Variants in BTBD19 observed in about 807,000 individuals in gnomAD.
BTBD19 encodes the protein BTB/POZ domain-containing protein 19.
Under a neutral mutation model 36.1 loss-of-function variants are expected in BTBD19, and 20 were observed. The ratio of observed to expected loss-of-function variants is 0.55; its 90% CI spans 0.39 to 0.80. The LOEUF (loss-of-function observed/expected upper bound fraction) is 0.80, where lower values mean the gene tolerates loss of function less well. BTBD19 is among the 30% of genes least tolerant of loss of function. The probability of loss-of-function intolerance (pLI) is 0.00; values close to 1 mark genes in which losing one functional copy is unlikely to be tolerated. For missense variants in BTBD19, 325 were observed against 389.8 expected (o/e 0.83, Z 1.40); for synonymous variants, 157 against 174.3 (o/e 0.90, Z 0.78).
Position 44,813,574 on chromosome 1 carries a change from G to A in BTBD19, c.742-64G>A, listed in dbSNP as rs1652540452. ...CGCTGGGAGGGGGCAGGAGCAGCCC[G>A]GCCCACGGTCCTCGGGGCGAGGGGC... On this transcript the variant is annotated intron_variant, in intron 7 of 7. Coordinates refer to ENST00000450269, the Ensembl canonical transcript of BTBD19. The surrounding 1 kb of genome is among the most constrained non-coding windows in gnomAD (Gnocchi z 7.8). 2.6e-6 allele frequency: 4 copies of A among 1,534,664 alleles called. No individual in the cohort carries two copies. The highest frequency in any genetic ancestry group is 3.5e-6 in the Non-Finnish European group (4 of 1,135,998).
At chr1:44,814,886 CT>C (rs1652643872), downstream of BTBD19, 1 of 152,336 alleles carries the variant, frequency 6.6e-6, no homozygotes, top group Non-Finnish European at 1.5e-5. Flanking sequence ...ACCTGCCCCC[CT>C]GGAGATCGCT....
In BTBD19 at chr1:44,810,262, C is replaced by A. The variant is rs866398818; in HGVS notation, c.136C>A (p.Arg46=). 4.6e-5 allele frequency: 71 copies of A among 1,551,734 alleles called. No individual in the cohort carries two copies. The Middle Eastern group carries it at 1.3e-3, about 29-fold the overall frequency. Residue 46 remains arginine, a synonymous_variant, in exon 2 of 8, where the codon CGG becomes AGG. Coordinates refer to ENST00000450269, the Ensembl canonical transcript of BTBD19. The surrounding 1 kb of genome is among the most constrained non-coding windows in gnomAD (Gnocchi z 4.2). Reference sequence around the variant, plus strand: ...AGAACGGCAGGAGGTATTTGCCCATCGGTGCTTGTTGGCCTGTAGATGCAA... The same window carrying A: ...AGAACGGCAGGAGGTATTTGCCCATAGGTGCTTGTTGGCCTGTAGATGCAA...
intron 3 of BTBD19, among the ~76,000 whole-genome samples, chr1:44,811,250 TA>T (rs1333411045): frequency 6.8e-6 from 1 of 146,090 alleles, no homozygotes; most frequent in Non-Finnish European, 1.5e-5. Flanking sequence ...GAAAGTGTGA[TA>T]GAGAAGCGTG....
chr1:44,815,034 CT>C (rs1397343431), downstream of BTBD19: 1 of 152,264 alleles, frequency 6.6e-6, no homozygotes, highest in Non-Finnish European at 1.5e-5. Flanking sequence ...TGCCTTATCG[CT>C]CTTCACACCT....
In BTBD19 at chr1:44,813,171, T is replaced by C. The variant is rs1652510222; in HGVS notation, c.517T>C (p.Ser173Pro). The C allele has an allele frequency of 6.5e-7, 1 of 1,540,738 alleles. No individual in the cohort carries two copies. The highest frequency in any genetic ancestry group is 1.5e-5 in the African/African-American group (1 of 67,136). Residue 173 changes from serine (S) to proline (P), a missense_variant, in exon 6 of 8, where the codon TCG (serine) becomes CCG (proline). By Grantham distance (74) the Ser-to-Pro change is moderately conservative. Transcript: ENST00000450269. This position sits in a 1 kb window ranked among gnomAD's most constrained non-coding sequence, Gnocchi z 7.8. ...CCGGACCCGAGGCTTCCTGGAGCTG[T>C]CGGCGGCCGCGCTGCTGCCCCTGCT...
At position 44,813,711 on chromosome 1, in the gene BTBD19, G is replaced by C; in HGVS notation, c.815G>C (p.Arg272Pro). The change falls in exon 8 of 8, where the codon CGC becomes CCC. Residue 272 changes from arginine (R) to proline (P), a missense_variant. Physicochemically the swap from Arg to Pro is moderately radical, Grantham distance 103 (BLOSUM62 -2). Transcript: ENST00000450269. The surrounding 1 kb of genome is among the most constrained non-coding windows in gnomAD (Gnocchi z 7.8). ...GATGAGGCCCGGGGCGCCCCGTGTC[G>C]CCGCCGGAGAGGCACCCTGCCCCGG... 2 of 1,551,476 alleles carry C rather than the reference G, an allele frequency of 1.3e-6. No homozygotes were observed. The highest frequency in any genetic ancestry group is 1.7e-6 in the Non-Finnish European group (2 of 1,146,850).
Position 44,813,162 on chromosome 1 carries a change from C to T in BTBD19, c.508C>T (p.Leu170=), listed in dbSNP as rs1262231278. 6.5e-7 allele frequency: 1 copy of T among 1,542,012 alleles called. No homozygotes were observed. The highest frequency in any genetic ancestry group is 1.2e-5 in the South Asian group (1 of 83,884). Residue 170 remains leucine, a synonymous_variant, in exon 6 of 8, where the codon CTG becomes TTG. Transcript: ENST00000450269. This position sits in a 1 kb window ranked among gnomAD's most constrained non-coding sequence, Gnocchi z 7.8. Reference sequence around the variant, plus strand: ...GGAGGCCCTCCGGACCCGAGGCTTCCTGGAGCTGTCGGCGGCCGCGCTGCT... The same window carrying T: ...GGAGGCCCTCCGGACCCGAGGCTTCTTGGAGCTGTCGGCGGCCGCGCTGCT...
intron 3 of BTBD19, 34 bp from the exon 4 acceptor site, chr1:44,812,005 C>T (rs1367223228): frequency 2.3e-6 from 3 of 1,298,188 alleles, no homozygotes; most frequent in Admixed American, 4.6e-5. Context: ...AGCAGGGACA[C>T]CGCCACCCAA....
At position 44,813,764 on chromosome 1, in the gene BTBD19, T is replaced by G; in HGVS notation, c.868T>G (p.Phe290Val). The G allele has an allele frequency of 6.4e-7, 1 of 1,551,426 alleles. No homozygotes were observed. The highest frequency in any genetic ancestry group is 8.7e-7 in the Non-Finnish European group (1 of 1,146,846). ...GCATCACCGCTTTCTGGACCTGTCC[T>G]TCAAATGATCCAACGCCGGGACTCG... The change falls in exon 8 of 8, where the codon TTC (phenylalanine) becomes GTC (valine). Residue 290 changes from phenylalanine to valine, a missense_variant. Phe to Val is a conservative substitution (Grantham distance 50, BLOSUM62 -1). Transcript: ENST00000450269. The surrounding 1 kb of genome is among the most constrained non-coding windows in gnomAD (Gnocchi z 7.8).
Position 44,813,251 on chromosome 1 carries a change from C to CT in BTBD19, c.598dup (p.Trp200LeufsTer15), listed in dbSNP as rs1384000990. The CT allele has an allele frequency of 6.5e-7, 1 of 1,537,380 alleles. No individual in the cohort carries two copies. Among genetic ancestry groups the CT allele is most frequent in the African/African-American group, 1.4e-5 (1 of 72,886 alleles). ...CTGAACTGGTCCGCGCGGCCCGAAGCTGGGCGCGCGTGGGCGCGGTGAGTG... is the reference window on the plus strand; with the variant it reads ...CTGAACTGGTCCGCGCGGCCCGAAGCTTGGGCGCGCGTGGGCGCGGTGAGTG... On this transcript the variant is annotated frameshift_variant, in exon 6 of 8. Transcript: ENST00000450269. LOFTEE classifies it high-confidence loss of function. The surrounding 1 kb of genome is among the most constrained non-coding windows in gnomAD (Gnocchi z 7.8).
At chr1:44,814,042 C>G in exon 8 of BTBD19, 1 of 588,504 alleles carries the variant, frequency 1.7e-6, no homozygotes, top group South Asian at 2.0e-5. Flanking sequence ...GTTCCACACC[C>G]TGACTCTACG....
chr1:44,814,148 C>CTCTTTCTT (rs1553163473), downstream of BTBD19: 11,463 of 158,988 alleles, frequency 0.072, 674 homozygotes, highest in South Asian at 0.092. Flanking sequence ...CTTTTTCTTT[C>CTCTTTCTT]TCTTTCTTTC....
At position 44,813,216 on chromosome 1, in the gene BTBD19, G is replaced by A. The variant is rs1241147947; in HGVS notation, c.562G>A (p.Val188Met). ...CCTGCTCCGCAGCGACAAGCTCTGC[G>A]TGGACGAGGCTGAACTGGTCCGCGC... Residue 188 changes from valine (V) to methionine (M), a missense_variant, in exon 6 of 8, where the codon GTG (valine) becomes ATG (methionine). Val to Met is a conservative substitution (Grantham distance 21). Transcript: ENST00000450269. The surrounding 1 kb of genome is among the most constrained non-coding windows in gnomAD (Gnocchi z 7.8). The A allele has an allele frequency of 1.9e-6, 3 of 1,544,316 alleles. No individual in the cohort carries two copies. Among genetic ancestry groups the A allele is most frequent in the Non-Finnish European group, 2.6e-6 (3 of 1,145,124 alleles).
At position 44,810,863 on chromosome 1, in the gene BTBD19, T is replaced by G. The variant is rs1246656632; in HGVS notation, c.354+256T>G. The G allele has an allele frequency of 3.3e-5, 11 of 335,094 alleles. No individual in the cohort carries two copies. The highest frequency in any genetic ancestry group is 2.6e-4 in the Admixed American group (6 of 23,168). The allele number at this position is 335,094 out of a possible 1,614,324, so 20.8% of individuals were successfully genotyped here. On this transcript the variant is annotated intron_variant, in intron 3 of 7. Transcript: ENST00000450269. This position sits in a 1 kb window ranked among gnomAD's most constrained non-coding sequence, Gnocchi z 4.2. ...GTAGATACAAAGATATCAGCCTTGATCCGTGTTCTCCAGAGAGGGAGAGGA... is the reference window on the plus strand; with the variant it reads ...GTAGATACAAAGATATCAGCCTTGAGCCGTGTTCTCCAGAGAGGGAGAGGA...
Position 44,810,111 on chromosome 1 carries a change from T to C in BTBD19, c.87-102T>C. 9.4e-7 allele frequency: 1 copy of C among 1,062,448 alleles called. No homozygotes were observed. Among genetic ancestry groups the C allele is most frequent in the Non-Finnish European group, 1.4e-6 (1 of 721,092 alleles). 65.8% of individuals were successfully genotyped at this position (1,062,448 alleles called of 1,614,324 possible). On this transcript the variant is annotated intron_variant, in intron 1 of 7. Coordinates refer to ENST00000450269, the Ensembl canonical transcript of BTBD19. The surrounding 1 kb of genome is among the most constrained non-coding windows in gnomAD (Gnocchi z 4.2). The stretch of plus-strand genomic sequence containing the variant: ...GAGGGACGAAGCCCTGTCTCTTACA[T>C]TCTGGTTAGGAAACTAAGACCCAGA...
chr1:44,813,550 G>T lies in BTBD19; in HGVS notation c.741+51G>T. 1 of 1,538,200 alleles carries T rather than the reference G, an allele frequency of 6.5e-7. No individual in the cohort carries two copies. The highest frequency in any genetic ancestry group is 2.0e-5 in the Admixed American group (1 of 50,266). ...CTCCACTCAGCAGGGGGTACAGGGC[G>T]CTGGGAGGGGGCAGGAGCAGCCCGG... On this transcript the variant is annotated intron_variant, in intron 7 of 7. Transcript: ENST00000450269. This position sits in a 1 kb window ranked among gnomAD's most constrained non-coding sequence, Gnocchi z 7.8.
intron 4 of BTBD19, chr1:44,812,339 T>A (rs1301253593): frequency 2.2e-6 from 1 of 456,150 alleles, no homozygotes; most frequent in East Asian, 7.0e-5. Flanking sequence ...TCTTTGCTGG[T>A]CTTCTGTCTG....
intron 4 of BTBD19, chr1:44,812,613 C>T (rs1652470066): frequency 2.5e-6 from 1 of 393,850 alleles, no homozygotes; most frequent in Admixed American, 3.2e-5. Flanking sequence ...AGGAGAATCG[C>T]TTGAACCCGG....
exon 1 of BTBD19, chr1:44,808,731 T>G: frequency 2.9e-5 from 25 of 862,556 alleles, no homozygotes; most frequent in Non-Finnish European, 4.2e-5. Flanking sequence ...AAGTCCCTGC[T>G]TCTCCCTCTC....
Sources: gnomAD v4.1 joint callset for allele counts (sites outside exome capture counted in the v4.1 genomes callset) on GRCh38, gnomAD v4.1.1 for gene constraint, Gnocchi (gnomAD v3.1) non-coding constraint, MANE v1.5 for transcripts, NCBI Gene and HGNC (gene_info 2026-07-23, HGNC 2026-07-21) for gene names.